ABCA12: variants seen among roughly 807,000 people sequenced by gnomAD.
ABCA12 encodes glucosylceramide transporter ABCA12.
Under a neutral mutation model 293.5 loss-of-function variants are expected in ABCA12, and 156 were observed. The observed-to-expected ratio is 0.53, with a 90% CI of 0.47 to 0.61. ABCA12 has a LOEUF of 0.61. Among genes scored for constraint, ABCA12 ranks in the 20% least tolerant of loss-of-function variants. The probability of loss-of-function intolerance (pLI) is 0.00; values close to 1 mark genes in which losing one functional copy is unlikely to be tolerated. For missense variants in ABCA12, 2,797 were observed against 3,090.2 expected, an observed-to-expected ratio of 0.91 and a Z score of 2.25; for synonymous variants, 1,063 against 1,108.0, an observed-to-expected ratio of 0.96 and a Z score of 0.81.
At chr2:215,062,315 T>A (rs1701544875) in intron 3 of ABCA12, among the ~76,000 whole-genome samples, 1 of 152,026 alleles carries the variant, frequency 6.6e-6, no homozygotes, top group Non-Finnish European at 1.5e-5. Flanking sequence ...CCATCCCACC[T>A]TTGCACTGAT....
intron 19 of ABCA12, among the ~76,000 whole-genome samples, chr2:215,007,170 T>C (rs982251688): frequency 2.0e-5 from 3 of 152,180 alleles, no homozygotes; most frequent in Non-Finnish European, 4.4e-5. Flanking sequence ...CTACCGCACC[T>C]GGCCTAGAGC....
intron 2 of ABCA12, among the ~76,000 whole-genome samples, chr2:215,065,126 G>A (rs1464645332): frequency 1.3e-5 from 2 of 151,484 alleles, no homozygotes; most frequent in African/African-American, 4.9e-5. Flanking sequence ...GCATACACAC[G>A]AGTCATGACA....
intron 30 of ABCA12, 136 bp from the exon 31 acceptor site, chr2:214,980,779 CCTCAAAGAGCTT>C: frequency 8.8e-7 from 1 of 1,132,704 alleles, no homozygotes; most frequent in Non-Finnish European, 1.3e-6. Flanking sequence ...AACTGACTGA[CCTCAAAGAGCTT>C]CCAAAATGAT....
chr2:215,063,056 T>C (rs1169149293), intron 3 of ABCA12, among the ~76,000 whole-genome samples: 1 of 152,000 alleles, frequency 6.6e-6, no homozygotes, highest in Non-Finnish European at 1.5e-5. Context: ...CATCAGATTC[T>C]TTTAAGCATC....
chr2:214,956,745 C>A lies in ABCA12; in HGVS notation c.6151G>T (p.Gly2051Cys). Residue 2051 changes from glycine to cysteine, a missense_variant, in exon 42 of 53, where the codon GGT becomes TGT. By Grantham distance (159) the Gly-to-Cys change is radical. Transcript: ENST00000272895. ...FYLVPVAFSIGIIAIFKLPAF... is the reference protein window; with the variant it reads ...FYLVPVAFSICIIAIFKLPAF... Reference sequence around the variant, plus strand: ...GGTAATTTGAAAATCGCAATGATACCAATTGAAAACGCTACAGGCACCAAG... The same window carrying A: ...GGTAATTTGAAAATCGCAATGATACAAATTGAAAACGCTACAGGCACCAAG... 6.2e-7 allele frequency: 1 copy of A among 1,612,452 alleles called. No homozygotes were observed.
chr2:215,042,048 A>T (rs1453642903), intron 7 of ABCA12, among the ~76,000 whole-genome samples: 1 of 152,222 alleles, frequency 6.6e-6, no homozygotes, highest in Non-Finnish European at 1.5e-5. Flanking sequence ...GTTGGTAATG[A>T]ACAGGCATGG....
chr2:215,011,335 G>A (rs1700366992), intron 17 of ABCA12, 104 bp downstream of exon 17: 2 of 864,912 alleles, frequency 2.3e-6, no homozygotes, highest in Non-Finnish European at 3.7e-6. Flanking sequence ...TTTTATTCTT[G>A]GGGAAAATTA....
intron 9 of ABCA12, among the ~76,000 whole-genome samples, chr2:215,030,715 G>A (rs1700858687): frequency 6.6e-6 from 1 of 152,182 alleles, no homozygotes; most frequent in Non-Finnish European, 1.5e-5. Flanking sequence ...CACCTTAGAG[G>A]ATGAGAGAGA....
chr2:214,986,719 T>C lies in ABCA12; in HGVS notation c.3986A>G (p.Tyr1329Cys), dbSNP rs1439347894. Residue 1329 changes from tyrosine to cysteine, a missense_variant, in exon 28 of 53, where the codon TAC becomes TGC. Transcript: ENST00000272895. ...AGGCTCGATGTTAGAGGAAAACATG[T>C]ATTCAGGACCTGGAGAGAAATCAAG... The part of the protein sequence containing the change: ...QNTNPSASPE[Y>C]MFSSNIEPEP... 6.2e-7 allele frequency: 1 copy of C among 1,614,120 alleles called. No homozygotes were observed. The highest frequency in any genetic ancestry group is 1.1e-5 in the South Asian group (1 of 91,086).
chr2:215,117,090 C>G (rs1202331768), intron 1 of ABCA12, among the ~76,000 whole-genome samples: 1 of 152,156 alleles, frequency 6.6e-6, no homozygotes, highest in Non-Finnish European at 1.5e-5. Context: ...TAATGGAGCA[C>G]CAATTTCAAA....
At chr2:215,042,038 G>A (rs926390137) in intron 7 of ABCA12, among the ~76,000 whole-genome samples, 6 of 152,174 alleles carry the variant, frequency 3.9e-5, no homozygotes, top group Admixed American at 3.9e-4. Flanking sequence ...GGAAATGGGA[G>A]TTGGTAATGA....
At chr2:215,080,129 A>C (rs534749215) in intron 2 of ABCA12, among the ~76,000 whole-genome samples, 290 of 152,224 alleles carry the variant, frequency 1.9e-3, no homozygotes, top group South Asian at 0.017. Context: ...GCTTGCTTAC[A>C]GGAAAATAAG....
chr2:214,998,543 T>A (rs1158654131), intron 22 of ABCA12, among the ~76,000 whole-genome samples: 1 of 152,188 alleles, frequency 6.6e-6, no homozygotes, highest in South Asian at 2.1e-4. Flanking sequence ...GGTATAGAAA[T>A]GTCTATTTTG....
intron 2 of ABCA12, among the ~76,000 whole-genome samples, chr2:215,086,010 A>G (rs571864216): frequency 6.6e-6 from 1 of 152,366 alleles, no homozygotes; most frequent in Admixed American, 6.5e-5. Flanking sequence ...GGGGAAATAA[A>G]TAATGGGAAG....
chr2:215,137,608 T>G (rs1703258238), intron 1 of ABCA12, among the ~76,000 whole-genome samples: 1 of 152,250 alleles, frequency 6.6e-6, no homozygotes, highest in Non-Finnish European at 1.5e-5. Flanking sequence ...TACATACTCT[T>G]GTTTGGTATT....
At chr2:215,097,813 C>T (rs1702277989) in intron 2 of ABCA12, among the ~76,000 whole-genome samples, 1 of 152,208 alleles carries the variant, frequency 6.6e-6, no homozygotes, top group Non-Finnish European at 1.5e-5. Flanking sequence ...ACACTGGTCC[C>T]TGTTATTTAC....
At chr2:215,076,513 C>A (rs1434718978) in intron 2 of ABCA12, among the ~76,000 whole-genome samples, 1 of 151,936 alleles carries the variant, frequency 6.6e-6, no homozygotes, top group Admixed American at 6.6e-5. Context: ...GTTTAAAACA[C>A]AAGTGTTGAG....
In ABCA12 at chr2:215,076,400, C is replaced by CT. The variant is rs780071650; in HGVS notation, c.164-12182dup. Among the ~76,000 whole-genome samples, 228 of 152,210 alleles carry CT rather than the reference C, an allele frequency of 1.5e-3. 1 individual carries two copies. The highest frequency in any genetic ancestry group is 2.5e-3 in the Non-Finnish European group (168 of 68,000). ...ATTTTAACATAGCAATTAGTATTTGCTTTTTCTAAGAAAAAGTTCTTTTTT... is the reference window on the plus strand; with the variant it reads ...ATTTTAACATAGCAATTAGTATTTGCTTTTTTCTAAGAAAAAGTTCTTTTTT... On this transcript the variant is annotated intron_variant, in intron 2 of 52. Coordinates refer to ENST00000272895, the MANE Select transcript of ABCA12 (RefSeq NM_173076.3).
intron 1 of ABCA12, among the ~76,000 whole-genome samples, chr2:215,133,296 G>A (rs957675572): frequency 1.3e-5 from 2 of 150,062 alleles, no homozygotes; most frequent in African/African-American, 4.9e-5. Context: ...GTAATATCTG[G>A]ATGTCTACCA....
Sources: allele counts gnomAD v4.1 joint callset (sites outside exome capture counted in the v4.1 genomes callset), GRCh38; gene constraint gnomAD v4.1.1; transcripts MANE v1.5; gene names NCBI Gene and HGNC (gene_info 2026-07-23, HGNC 2026-07-21).